The following RETREG1 variants were observed in gnomAD, a reference collection of about 807,000 sequenced individuals.
RETREG1 encodes the protein family with sequence similarity 134 member B.
A neutral mutation model predicts 54.8 loss-of-function variants in RETREG1; 44 were observed. The ratio of observed to expected loss-of-function variants is 0.80; its 90% CI spans 0.63 to 1.03. The LOEUF (loss-of-function observed/expected upper bound fraction) is 1.03. RETREG1 is among the 50% of genes least tolerant of loss of function. The pLI is 0.00. For missense variants in RETREG1, 554 were observed against 605.1 expected (o/e 0.92, Z 0.89); for synonymous variants, 217 against 238.5 (o/e 0.91, Z 0.83).
At chr5:16,519,621 C>T (rs1740467278) in intron 3 of RETREG1, among the ~76,000 whole-genome samples, 1 of 152,182 alleles carries the variant, frequency 6.6e-6, no homozygotes, top group Admixed American at 6.5e-5. Flanking sequence ...GACACTCAAA[C>T]CAACACCCTG....
intron 3 of RETREG1, among the ~76,000 whole-genome samples, chr5:16,502,893 C>T (rs550342632): frequency 1.3e-5 from 2 of 152,316 alleles, no homozygotes; most frequent in East Asian, 1.9e-4. Flanking sequence ...TGGATTTAGA[C>T]ACAGATTTGC....
At chr5:16,538,180 A>G (rs1741130823) in intron 3 of RETREG1, among the ~76,000 whole-genome samples, 1 of 152,142 alleles carries the variant, frequency 6.6e-6, no homozygotes. Context: ...CCACAGCTAA[A>G]TCTGGGAGCA....
intron 3 of RETREG1, among the ~76,000 whole-genome samples, chr5:16,551,759 T>C (rs1741548693): frequency 6.6e-6 from 1 of 152,186 alleles, no homozygotes; most frequent in Non-Finnish European, 1.5e-5. Flanking sequence ...ACAAATTTAG[T>C]GTCTGAACAC....
chr5:16,583,269 C>T (rs1391512488), intron 1 of RETREG1, among the ~76,000 whole-genome samples: 1 of 151,900 alleles, frequency 6.6e-6, no homozygotes, highest in Non-Finnish European at 1.5e-5. Context: ...TCACTTGAGC[C>T]CAGGAGTTCA....
chr5:16,487,612 C>T (rs552509577), intron 3 of RETREG1, among the ~76,000 whole-genome samples: 58 of 152,358 alleles, frequency 3.8e-4, no homozygotes, highest in Non-Finnish European at 6.5e-4. Flanking sequence ...CCAGCAGATG[C>T]CATCTGGTTA....
At chr5:16,500,085 G>A (rs1739639067) in intron 3 of RETREG1, among the ~76,000 whole-genome samples, 1 of 152,250 alleles carries the variant, frequency 6.6e-6, no homozygotes, top group Non-Finnish European at 1.5e-5. Flanking sequence ...CTCCCTTTAA[G>A]ACCGTCATTT....
At position 16,561,290 on chromosome 5, in the gene RETREG1, G is replaced by A. The variant is rs567289578; in HGVS notation, c.458+4473C>T. Among the ~76,000 whole-genome samples, 1 of 152,214 alleles carries A rather than the reference G, an allele frequency of 6.6e-6. No homozygotes were observed. The highest frequency in any genetic ancestry group is 2.1e-4 in the South Asian group (1 of 4,830). On this transcript the variant is annotated intron_variant, in intron 3 of 8. Transcript: ENST00000306320. The surrounding 1 kb of genome is among the most constrained non-coding windows in gnomAD (Gnocchi z 4.2). Reference sequence around the variant, plus strand: ...AGTCGGGCGGATCATGAGGTCAGGAGATCAAGACCATCCTGGCTAACATGG... The same window carrying A: ...AGTCGGGCGGATCATGAGGTCAGGAAATCAAGACCATCCTGGCTAACATGG...
intron 7 of RETREG1, 31 bp downstream of exon 7, chr5:16,478,003 A>C (rs771381038): frequency 2.6e-6 from 4 of 1,561,190 alleles, no homozygotes; most frequent in Non-Finnish European, 3.5e-6. Context: ...CAAACCACAC[A>C]GGAACAAATT....
chr5:16,537,436 T>C (rs1741106125), intron 3 of RETREG1, among the ~76,000 whole-genome samples: 1 of 152,190 alleles, frequency 6.6e-6, no homozygotes, highest in African/African-American at 2.4e-5. Flanking sequence ...TGGGAGTGTG[T>C]GTATGGTGTG....
intron 3 of RETREG1, among the ~76,000 whole-genome samples, chr5:16,562,970 T>A (rs562910319): frequency 6.6e-6 from 1 of 151,318 alleles, no homozygotes; most frequent in East Asian, 2.0e-4. Flanking sequence ...CAATGTAGGA[T>A]GCTATTAATG....
At chr5:16,606,662 C>T (rs1461481242) in intron 1 of RETREG1, among the ~76,000 whole-genome samples, 1 of 152,158 alleles carries the variant, frequency 6.6e-6, no homozygotes, top group African/African-American at 2.4e-5. Context: ...TCTCCCCCTA[C>T]CCACCAAATC....
At chr5:16,572,819 C>A (rs1256202770) in intron 1 of RETREG1, among the ~76,000 whole-genome samples, 1 of 152,088 alleles carries the variant, frequency 6.6e-6, no homozygotes, top group Non-Finnish European at 1.5e-5. Context: ...GCCCTTTAGT[C>A]ACCACCCTGT....
At position 16,475,211 on chromosome 5, in the gene RETREG1, C is replaced by T. The variant is rs1175511459; in HGVS notation, c.1024G>A (p.Val342Ile). The change falls in exon 9 of 9, where the codon GTT (valine) becomes ATT (isoleucine). Residue 342 changes from valine to isoleucine, a missense_variant. This residue lies in a region of RETREG1 where 347 missense variants were observed against 412.3 expected (regional missense o/e 0.84). Coordinates refer to ENST00000306320, the MANE Select transcript of RETREG1 (RefSeq NM_001034850.3). ...AAATCTGAAAGATCTCTAGAGAAAACTTCCTCACTGGGTCGGTCAAGATCT... is the reference window on the plus strand; with the variant it reads ...AAATCTGAAAGATCTCTAGAGAAAATTTCCTCACTGGGTCGGTCAAGATCT... ...SDDLDRPSEE[V>I]FSRDLSDFPS... 6.2e-7 allele frequency: 1 copy of T among 1,613,102 alleles called. No individual in the cohort carries two copies. The highest frequency in any genetic ancestry group is 1.7e-5 in the Admixed American group (1 of 59,898).
At chr5:16,580,879 G>A (rs1742460681) in intron 1 of RETREG1, among the ~76,000 whole-genome samples, 2 of 152,198 alleles carry the variant, frequency 1.3e-5, no homozygotes, top group Non-Finnish European at 2.9e-5. Context: ...GACAAATGGG[G>A]CATCCCCAAG....
chr5:16,586,804 A>G (rs1742636754), intron 1 of RETREG1, among the ~76,000 whole-genome samples: 1 of 152,226 alleles, frequency 6.6e-6, no homozygotes, highest in Admixed American at 6.5e-5. Context: ...GGTGGCTTAT[A>G]AACAACAGAA....
intron 1 of RETREG1, among the ~76,000 whole-genome samples, chr5:16,605,890 G>A (rs556340109): frequency 6.6e-6 from 1 of 152,094 alleles, no homozygotes; most frequent in East Asian, 1.9e-4. Context: ...CCTCCTAAAG[G>A]CTCCACCTCT....
chr5:16,583,873 G>C (rs1168137945), intron 1 of RETREG1, among the ~76,000 whole-genome samples: 2 of 152,192 alleles, frequency 1.3e-5, no homozygotes, highest in Non-Finnish European at 2.9e-5. Context: ...ATATGGAAAT[G>C]AATCTGCATT....
chr5:16,604,353 G>A (rs1743129673), intron 1 of RETREG1, among the ~76,000 whole-genome samples: 1 of 152,162 alleles, frequency 6.6e-6, no homozygotes, highest in South Asian at 2.1e-4. Flanking sequence ...ATACCTTGCA[G>A]TGTGGTGTGA....
At chr5:16,580,953 G>A (rs374881332) in intron 1 of RETREG1, among the ~76,000 whole-genome samples, 1 of 152,194 alleles carries the variant, frequency 6.6e-6, no homozygotes, top group Admixed American at 6.5e-5. Context: ...AGAGGCCCGT[G>A]CCTAGTCACC....
Sources: allele counts gnomAD v4.1 joint callset (sites outside exome capture counted in the v4.1 genomes callset), GRCh38; gene constraint gnomAD v4.1.1; regional missense constraint gnomAD v4.1.1; non-coding constraint Gnocchi (gnomAD v3.1); transcripts MANE v1.5; gene names NCBI Gene and HGNC (gene_info 2026-07-23, HGNC 2026-07-21).